Variants in ENTREP1 observed in about 807,000 individuals in gnomAD.
The protein encoded by ENTREP1 is endosomal transmembrane epsin interactor 1, also known as Friedreich ataxia region gene X123.
the ENTREP1 span, among the ~76,000 whole-genome samples, chr9:69,370,697 C>T: frequency 1.6e-4 from 24 of 152,268 alleles, no homozygotes; most frequent in African/African-American, 5.5e-4. Context: ...AGGGTTTCTC[C>T]CTTAGAGTTC....
the ENTREP1 span, among the ~76,000 whole-genome samples, chr9:69,363,372 G>A: frequency 6.6e-6 from 1 of 152,130 alleles, no homozygotes; most frequent in Non-Finnish European, 1.5e-5. Context: ...GGGGCTTAAT[G>A]AGCAGGAAAA....
the ENTREP1 span, among the ~76,000 whole-genome samples, chr9:69,351,369 G>A: frequency 6.7e-6 from 1 of 149,146 alleles, no homozygotes; most frequent in Non-Finnish European, 1.5e-5. Flanking sequence ...CTTCAACACT[G>A]AGAAATTTTC....
chr9:69,329,355 A>C, the ENTREP1 span: 1 of 959,002 alleles, frequency 1.0e-6, no homozygotes, highest in Non-Finnish European at 1.2e-6. Flanking sequence ...TGTTGAACAC[A>C]GTATAGTTCA....
At chr9:69,383,868 CTTT>C in the ENTREP1 span, 1 of 1,576,522 alleles carries the variant, frequency 6.3e-7, no homozygotes, top group Non-Finnish European at 8.7e-7. Flanking sequence ...CCCCACACAT[CTTT>C]TTAAGGAGTT....
At chr9:69,328,379 A>G in the ENTREP1 span, among the ~76,000 whole-genome samples, 1 of 152,238 alleles carries the variant, frequency 6.6e-6, no homozygotes, top group Non-Finnish European at 1.5e-5. Context: ...CCGAAGAACC[A>G]TTCCCTTCAA....
chr9:69,391,805 A>G, the ENTREP1 span: 1 of 1,591,184 alleles, frequency 6.3e-7, no homozygotes, highest in African/African-American at 1.3e-5. Flanking sequence ...TGTCCTGTGA[A>G]CCCTGGAAGA....
At chr9:69,375,164 A>T in the ENTREP1 span, among the ~76,000 whole-genome samples, 2 of 152,392 alleles carry the variant, frequency 1.3e-5, no homozygotes, top group African/African-American at 4.8e-5. Context: ...CATCTATGTT[A>T]TATGGTGTGT....
the ENTREP1 span, chr9:69,386,666 G>C: frequency 6.6e-6 from 1 of 152,174 alleles, no homozygotes; most frequent in Non-Finnish European, 1.5e-5. Flanking sequence ...GACCTCTGCT[G>C]TTCTAAAACA....
chr9:69,366,207 T>C, the ENTREP1 span, among the ~76,000 whole-genome samples: 1 of 152,194 alleles, frequency 6.6e-6, no homozygotes. Flanking sequence ...TTTGTCTTTT[T>C]GATAATAGCC....
the ENTREP1 span, among the ~76,000 whole-genome samples, chr9:69,359,059 C>A: frequency 6.6e-6 from 1 of 151,886 alleles, no homozygotes; most frequent in Non-Finnish European, 1.5e-5. Flanking sequence ...GCGTGTATCA[C>A]CGTGCCTGGC....
the ENTREP1 span, among the ~76,000 whole-genome samples, chr9:69,348,362 T>C: frequency 6.6e-6 from 1 of 152,192 alleles, no homozygotes; most frequent in Non-Finnish European, 1.5e-5. Flanking sequence ...TCAAGTGATC[T>C]GCCCAACTTG....
chr9:69,374,743 C>A, the ENTREP1 span, among the ~76,000 whole-genome samples: 1 of 152,116 alleles, frequency 6.6e-6, no homozygotes, highest in Non-Finnish European at 1.5e-5. Flanking sequence ...CCTCTTCAGG[C>A]AGTAGCACCA....
chr9:69,377,764 C>G, the ENTREP1 span: 1 of 1,599,736 alleles, frequency 6.3e-7, no homozygotes, highest in Non-Finnish European at 8.5e-7. Context: ...CTGAGTTCCC[C>G]TGCAGTCTGA....
At chr9:69,348,077 A>T in the ENTREP1 span, among the ~76,000 whole-genome samples, 1 of 151,998 alleles carries the variant, frequency 6.6e-6, no homozygotes, top group Non-Finnish European at 1.5e-5. Flanking sequence ...TTTGTTGACA[A>T]AAAGGCACCT....
chr9:69,362,559 G>A, the ENTREP1 span, among the ~76,000 whole-genome samples: 1 of 152,140 alleles, frequency 6.6e-6, no homozygotes, highest in African/African-American at 2.4e-5. Flanking sequence ...TGATTCAAAT[G>A]AATAACAAAA....
chr9:69,363,040 G>A, the ENTREP1 span, among the ~76,000 whole-genome samples: 14 of 152,050 alleles, frequency 9.2e-5, no homozygotes, highest in Admixed American at 2.6e-4. Context: ...ACAAATACAC[G>A]CATGTCGCCA....
chr9:69,367,742 C>CATATATAAATATATATAA, the ENTREP1 span, among the ~76,000 whole-genome samples: 1 of 54,112 alleles, frequency 1.8e-5, no homozygotes, highest in Non-Finnish European at 3.6e-5. Context: ...TATATATATA[C>CATATATAAATATATATAA]ACATATATAA....
chr9:69,359,970 C>CTTTTTTTTTTTTTTTT, the ENTREP1 span, among the ~76,000 whole-genome samples: 1 of 128,588 alleles, frequency 7.8e-6, no homozygotes. Context: ...TCTTATTTTG[C>CTTTTTTTTTTTTTTTT]TTTTTTTTTT....
the ENTREP1 span, chr9:69,325,753 C>A: frequency 1.6e-6 from 2 of 1,222,002 alleles, no homozygotes; most frequent in East Asian, 6.4e-5. Flanking sequence ...CCCGTTCGCC[C>A]GGTCATCCCG....
Sources: allele counts gnomAD v4.1 joint callset (sites outside exome capture counted in the v4.1 genomes callset), GRCh38; gene constraint gnomAD v4.1.1; transcripts MANE v1.5; gene names NCBI Gene and HGNC (gene_info 2026-07-23, HGNC 2026-07-21).